ADGRV1: variants seen among roughly 807,000 people sequenced by gnomAD.
ADGRV1 encodes the protein G-protein coupled receptor 98.
Under a neutral mutation model 596.2 loss-of-function variants are expected in ADGRV1, and 359 were observed. That is an observed-to-expected ratio of 0.60 (90% CI 0.55 to 0.66). ADGRV1 has a LOEUF of 0.66. Ranked by LOEUF, ADGRV1 falls within the 30% of genes least tolerant of loss-of-function variation. The probability of loss-of-function intolerance (pLI) is 0.00; values close to 1 mark genes in which losing one functional copy is unlikely to be tolerated. For synonymous variants in ADGRV1, 2,681 were observed against 2,679.2 expected (o/e 1.00, Z -0.02); for missense variants, 7,274 against 7,575.6 (o/e 0.96, Z 1.48).
At chr5:91,059,288 G>A (rs150923199) in intron 85 of ADGRV1, among the ~76,000 whole-genome samples, 1 of 152,254 alleles carries the variant, frequency 6.6e-6, no homozygotes, top group Non-Finnish European at 1.5e-5. Flanking sequence ...TACTGAGTAT[G>A]TGGAGAAGCT....
rs1765202372 is a variant in ADGRV1 at position 90,629,372 on chromosome 5, C to G, written c.1672C>G (p.Leu558Val). 2 of 1,613,498 alleles carry G rather than the reference C, an allele frequency of 1.2e-6. No homozygotes were observed. Among genetic ancestry groups the G allele is most frequent in the Non-Finnish European group, 1.7e-6 (2 of 1,179,820 alleles). ...KGDVRLLYSVLYIPAGAVDPL... is the reference protein window; with the variant it reads ...KGDVRLLYSVVYIPAGAVDPL... ...AGATGTGAGGTTGCTTTATTCTGTA[C>G]TTTACATTCCTGCTGGAGCTGTGGA... The change falls in exon 9 of 90, where the codon CTT becomes GTT. Residue 558 changes from leucine to valine, a missense_variant. By Grantham distance (32) the Leu-to-Val change is conservative (BLOSUM62 1). Transcript: ENST00000405460.
At chr5:91,039,846 G>T (rs567307896) in intron 85 of ADGRV1, among the ~76,000 whole-genome samples, 87 of 152,248 alleles carry the variant, frequency 5.7e-4, no homozygotes, top group African/African-American at 2.0e-3. Flanking sequence ...AAACAAAGAT[G>T]TACAAGGATG....
chr5:90,951,849 A>C (rs1221631696), intron 83 of ADGRV1, among the ~76,000 whole-genome samples: 2 of 152,188 alleles, frequency 1.3e-5, no homozygotes, highest in Non-Finnish European at 2.9e-5. Context: ...TGATTCATGA[A>C]ATCCAAGTTA....
chr5:90,661,147 T>C (rs1344591138), intron 21 of ADGRV1, among the ~76,000 whole-genome samples: 1 of 152,240 alleles, frequency 6.6e-6, no homozygotes, highest in African/African-American at 2.4e-5. Flanking sequence ...TTGTTCTGTG[T>C]ATTTCCTATG....
Position 90,887,920 on chromosome 5 carries a change from A to G in ADGRV1, c.17856+24063A>G, listed in dbSNP as rs116188699. 7.9e-3 allele frequency among the ~76,000 whole-genome samples: 1,199 copies of G among 152,088 alleles called. 18 individuals are homozygous for G. Among genetic ancestry groups the G allele is most frequent in the African/African-American group, 0.027 (1,140 of 41,502 alleles). The stretch of plus-strand genomic sequence containing the variant: ...GTCAGGATTCTAGACACAGTAACTA[A>G]TTTTTTTTCTTTTATGTGGAAAAAG... On this transcript the variant is annotated intron_variant, in intron 83 of 89. Coordinates refer to ENST00000405460, the MANE Select transcript of ADGRV1 (RefSeq NM_032119.4).
At chr5:90,622,393 T>C (rs1346531432) in intron 4 of ADGRV1, among the ~76,000 whole-genome samples, 1 of 152,254 alleles carries the variant, frequency 6.6e-6, no homozygotes, top group Non-Finnish European at 1.5e-5. Context: ...CTGACTAGTT[T>C]TTATGTTCCC....
At chr5:90,888,066 T>G (rs1770467209) in intron 83 of ADGRV1, among the ~76,000 whole-genome samples, 1 of 152,216 alleles carries the variant, frequency 6.6e-6, no homozygotes, top group East Asian at 1.9e-4. Context: ...TTTTGTTGTG[T>G]GTCCCAAATT....
chr5:90,700,882 A>G (rs1225931078), intron 34 of ADGRV1, among the ~76,000 whole-genome samples: 1 of 151,958 alleles, frequency 6.6e-6, no homozygotes, highest in Non-Finnish European at 1.5e-5. Flanking sequence ...TATTAAATAT[A>G]TTTTCTGTAT....
chr5:91,020,668 A>G (rs375664428), intron 85 of ADGRV1, among the ~76,000 whole-genome samples: 23 of 152,158 alleles, frequency 1.5e-4, no homozygotes, highest in African/African-American at 4.6e-4. Context: ...CATTGTTCAC[A>G]TCCATCAAGA....
Position 91,060,390 on chromosome 5 carries a change from ATATATATATTT to A in ADGRV1, c.18153-12055_18153-12045del, listed in dbSNP as rs1469384045. ...TATATGTGTGTGTGTATATATATAT[ATATATATATTT>A]TTTTTTTTAATAGAGACGAGGTTTC... On this transcript the variant is annotated intron_variant, in intron 85 of 89. Coordinates refer to ENST00000405460, the MANE Select transcript of ADGRV1 (RefSeq NM_032119.4). Among the ~76,000 whole-genome samples, 17 of 139,524 alleles carry A rather than the reference ATATATATATTT, an allele frequency of 1.2e-4. No homozygotes were observed. In the East Asian group the frequency reaches 1.7e-3, roughly 14 times the overall value. 91.5% of individuals were successfully genotyped at this position (139,524 alleles called of 152,430 possible). A position where few individuals can be genotyped will look rare whatever the true frequency, so the allele number is the denominator to read the frequency against.
At chr5:91,067,468 G>A (rs758532706) in intron 85 of ADGRV1, among the ~76,000 whole-genome samples, 32 of 152,090 alleles carry the variant, frequency 2.1e-4, no homozygotes, top group Non-Finnish European at 3.5e-4. Context: ...AAGATCATTA[G>A]CGCTTAGAGA....
intron 68 of ADGRV1, among the ~76,000 whole-genome samples, chr5:90,788,896 A>ACT (rs915583896): frequency 1.3e-5 from 2 of 149,950 alleles, no homozygotes; most frequent in African/African-American, 5.0e-5. Context: ...ACACACACTC[A>ACT]CACACACAGC....
chr5:90,824,774 C>G (rs1379628296), intron 76 of ADGRV1, among the ~76,000 whole-genome samples: 3 of 152,200 alleles, frequency 2.0e-5, no homozygotes, highest in African/African-American at 7.2e-5. Context: ...AAACAGTTGA[C>G]TTCCTACTGC....
intron 78 of ADGRV1, among the ~76,000 whole-genome samples, chr5:90,844,625 A>G (rs796640714): frequency 1.4e-4 from 22 of 152,306 alleles, no homozygotes; most frequent in African/African-American, 5.1e-4. Context: ...CTAACTTTCA[A>G]TTTCGTCAGG....
At chr5:91,057,180 A>T (rs192288040) in intron 85 of ADGRV1, among the ~76,000 whole-genome samples, 2 of 152,374 alleles carry the variant, frequency 1.3e-5, no homozygotes, top group Admixed American at 1.3e-4. Context: ...TTAAAAGCAC[A>T]TGATACCTTC....
chr5:91,013,186 A>AC (rs2151156140), intron 85 of ADGRV1, among the ~76,000 whole-genome samples: 1 of 152,258 alleles, frequency 6.6e-6, no homozygotes, highest in Admixed American at 6.6e-5. Context: ...TGCAATGAAC[A>AC]TTCACATGCA....
chr5:90,678,003 T>TA (rs1319392225), intron 25 of ADGRV1, among the ~76,000 whole-genome samples: 1 of 152,220 alleles, frequency 6.6e-6, no homozygotes, highest in Non-Finnish European at 1.5e-5. Flanking sequence ...ATAGATGTCT[T>TA]ACGCTAGCCA....
intron 53 of ADGRV1, among the ~76,000 whole-genome samples, chr5:90,751,232 A>G (rs1561656435): frequency 6.6e-6 from 1 of 152,182 alleles, no homozygotes; most frequent in Non-Finnish European, 1.5e-5. Flanking sequence ...GTTGATCCAC[A>G]GGCAATTGCA....
At chr5:90,902,193 T>C (rs1404711370) in intron 83 of ADGRV1, among the ~76,000 whole-genome samples, 6 of 152,188 alleles carry the variant, frequency 3.9e-5, no homozygotes, top group Non-Finnish European at 7.4e-5. Flanking sequence ...ACACCAATTA[T>C]CCACGTTATT....
Sources: allele counts gnomAD v4.1 joint callset (sites outside exome capture counted in the v4.1 genomes callset), GRCh38; gene constraint gnomAD v4.1.1; transcripts MANE v1.5; gene names NCBI Gene and HGNC (gene_info 2026-07-23, HGNC 2026-07-21).